TSC22D1: variants seen among roughly 807,000 people sequenced by gnomAD.
TSC22D1 encodes the protein TSC22 domain family member 1.
A neutral mutation model predicts 74.2 loss-of-function variants in TSC22D1; 9 were observed. The ratio of observed to expected loss-of-function variants is 0.12; its 90% confidence interval spans 0.07 to 0.21. The LOEUF (loss-of-function observed/expected upper bound fraction) is 0.21. Ranked by LOEUF, TSC22D1 falls within the 10% of genes least tolerant of loss-of-function variation. The pLI is 1.00. For missense variants in TSC22D1, 1,427 were observed against 1,304.7 expected (o/e 1.09, Z -1.44); for synonymous variants, 586 against 492.5 (o/e 1.19, Z -2.51).
At chr13:44,561,838 C>T (rs988753497) in intron 1 of TSC22D1, among the ~76,000 whole-genome samples, 1 of 151,842 alleles carries the variant, frequency 6.6e-6, no homozygotes, top group African/African-American at 2.4e-5. Context: ...AGTAAAGGAC[C>T]AAAAATTACA....
At chr13:44,467,073 A>C (rs1877328763) in intron 1 of TSC22D1, among the ~76,000 whole-genome samples, 1 of 152,066 alleles carries the variant, frequency 6.6e-6, no homozygotes, top group South Asian at 2.1e-4. Flanking sequence ...GAGGCAGGAG[A>C]ATTGCTTGAA....
chr13:44,450,011 A>G (rs2138905245), intron 1 of TSC22D1, among the ~76,000 whole-genome samples: 1 of 152,254 alleles, frequency 6.6e-6, no homozygotes, highest in African/African-American at 2.4e-5. Flanking sequence ...GGGCAAGGGG[A>G]GAAAGACGTA....
At chr13:44,437,172 T>C in intron 1 of TSC22D1, 1 of 985,526 alleles carries the variant, frequency 1.0e-6, no homozygotes. Context: ...CCACACGTGC[T>C]TACGTTTAAG....
chr13:44,455,510 T>G (rs1876511608), intron 1 of TSC22D1, among the ~76,000 whole-genome samples: 1 of 152,252 alleles, frequency 6.6e-6, no homozygotes, highest in South Asian at 2.1e-4. Context: ...AGGTATTACA[T>G]GCCACTTTAT....
At chr13:44,533,294 C>T (rs1419037300) in intron 1 of TSC22D1, among the ~76,000 whole-genome samples, 1 of 151,204 alleles carries the variant, frequency 6.6e-6, no homozygotes, top group Non-Finnish European at 1.5e-5. Flanking sequence ...AACCTCATCT[C>T]TACTAGAAGT....
chr13:44,558,993 G>C (rs1254261541), intron 1 of TSC22D1, among the ~76,000 whole-genome samples: 2 of 152,062 alleles, frequency 1.3e-5, no homozygotes, highest in African/African-American at 4.8e-5. Context: ...TATAAATCCT[G>C]CTATCCATTA....
chr13:44,464,878 A>T (rs1485947406), intron 1 of TSC22D1, among the ~76,000 whole-genome samples: 1 of 152,216 alleles, frequency 6.6e-6, no homozygotes, highest in Non-Finnish European at 1.5e-5. Context: ...CTTCTGTGTT[A>T]TATCAGCACC....
intron 1 of TSC22D1, among the ~76,000 whole-genome samples, chr13:44,446,052 A>T (rs1875606583): frequency 6.6e-6 from 1 of 152,214 alleles, no homozygotes; most frequent in Non-Finnish European, 1.5e-5. Flanking sequence ...AATTGAAAAC[A>T]TGTTACCACA....
chr13:44,531,739 G>A lies in TSC22D1; in HGVS notation c.2912+41424C>T, dbSNP rs74068589. On this transcript the variant is annotated intron_variant, in intron 1 of 2. Transcript: ENST00000458659. ...GTCTTCCAGGAGTTCAAGATTTGGGGGAGGAATGATAAATATTTTAAATGG... is the reference window on the plus strand; with the variant it reads ...GTCTTCCAGGAGTTCAAGATTTGGGAGAGGAATGATAAATATTTTAAATGG... Among the ~76,000 whole-genome samples, 919 of 152,172 alleles carry A rather than the reference G, an allele frequency of 6.0e-3. 6 individuals carry two copies. Among genetic ancestry groups the A allele is most frequent in the African/African-American group, 0.02 (839 of 41,530 alleles).
At chr13:44,456,174 A>C (rs941420768) in intron 1 of TSC22D1, among the ~76,000 whole-genome samples, 1 of 152,224 alleles carries the variant, frequency 6.6e-6, no homozygotes, top group African/African-American at 2.4e-5. Context: ...GGTAGTGCAG[A>C]CCCAAAAAGT....
At chr13:44,568,984 G>A (rs1019607487) in intron 1 of TSC22D1, among the ~76,000 whole-genome samples, 4 of 152,152 alleles carry the variant, frequency 2.6e-5, no homozygotes, top group Non-Finnish European at 4.4e-5. Context: ...GGGAAAAAAG[G>A]AGACCAGGTA....
rs1807061714 is a variant in TSC22D1 at position 44,434,645 on chromosome 13, C to A, written c.3203G>T (p.Gly1068Val). 1.9e-6 allele frequency: 3 copies of A among 1,577,976 alleles called. No homozygotes were observed. Among genetic ancestry groups the A allele is most frequent in the African/African-American group, 2.7e-5 (2 of 73,922 alleles). ...TQPPAQPASQ[G>V]SGPTA ...AGGCAGCTATGCGGTTGGTCCTGAG[C>A]CCTGCGATGCTGGCTGGGCGGGGGG... Residue 1068 changes from glycine to valine, a missense_variant, in exon 3 of 3, where the codon GGC (glycine) becomes GTC (valine). Coordinates refer to ENST00000458659, the MANE Select transcript of TSC22D1 (RefSeq NM_183422.4).
Position 44,554,381 on chromosome 13 carries a change from A to T in TSC22D1, c.2912+18782T>A, listed in dbSNP as rs186747578. On this transcript the variant is annotated intron_variant, in intron 1 of 2. Transcript: ENST00000458659. ...CAGATGCATCAATTCATTTGAATAG[A>T]AAAACTGTCATGTATACCATATACA... 1.9e-4 allele frequency among the ~76,000 whole-genome samples: 29 copies of T among 152,340 alleles called. 1 individual carries two copies. Among genetic ancestry groups the T allele is most frequent in the Admixed American group, 1.6e-3 (24 of 15,302 alleles).
intron 1 of TSC22D1, among the ~76,000 whole-genome samples, chr13:44,565,042 T>C (rs1883278718): frequency 6.6e-6 from 1 of 152,190 alleles, no homozygotes; most frequent in Non-Finnish European, 1.5e-5. Context: ...GTTACATTTA[T>C]GACCTGTTGA....
At chr13:44,551,319 G>GTA (rs906880127) in intron 1 of TSC22D1, among the ~76,000 whole-genome samples, 3 of 150,068 alleles carry the variant, frequency 2.0e-5, no homozygotes, top group African/African-American at 7.4e-5. Context: ...GGGTGTGTGT[G>GTA]TGTGTGTGTG....
chr13:44,491,146 G>A (rs1283192714), intron 1 of TSC22D1, among the ~76,000 whole-genome samples: 3 of 151,828 alleles, frequency 2.0e-5, no homozygotes, highest in Non-Finnish European at 4.4e-5. Flanking sequence ...CAGCCTGGGC[G>A]ACAGAGCAAG....
chr13:44,456,468 G>A (rs555123843), intron 1 of TSC22D1, among the ~76,000 whole-genome samples: 6 of 152,200 alleles, frequency 3.9e-5, no homozygotes, highest in East Asian at 3.9e-4. Context: ...TGATTGGTGC[G>A]TTTACAAACC....
At chr13:44,435,058 G>A (rs1047473419) in intron 2 of TSC22D1, 175 bp from the exon 3 acceptor site, 1 of 608,470 alleles carries the variant, frequency 1.6e-6, no homozygotes, top group South Asian at 2.1e-5. Flanking sequence ...CAATACTTGA[G>A]TTTAACGTAT....
chr13:44,515,402 A>G (rs7332595), intron 1 of TSC22D1, among the ~76,000 whole-genome samples: 71,275 of 151,822 alleles, frequency 0.47, 17,071 homozygotes, highest in Non-Finnish European at 0.52. Flanking sequence ...AGAACAGCAT[A>G]TATAGTGTAC....
Sources: gnomAD v4.1 joint callset for allele counts (sites outside exome capture counted in the v4.1 genomes callset) on GRCh38, gnomAD v4.1.1 for gene constraint, MANE v1.5 for transcripts, NCBI Gene and HGNC (gene_info 2026-07-23, HGNC 2026-07-21) for gene names.